KIF12: variants seen among roughly 807,000 people sequenced by gnomAD.
KIF12 encodes kinesin family member 12, also known as kinesin-like protein KIF12.
A neutral mutation model predicts 87.9 loss-of-function variants in KIF12; 80 were observed. The ratio of observed to expected loss-of-function variants is 0.91; its 90% CI spans 0.76 to 1.10. KIF12 has a LOEUF of 1.10. KIF12 is among the 50% of genes least tolerant of loss of function. KIF12 has a pLI of 0.00. For synonymous variants in KIF12, 353 were observed against 348.5 expected (o/e 1.01, Z -0.14); for missense variants, 819 against 865.3 (o/e 0.95, Z 0.67).
In KIF12 at chr9:114,098,348, A is replaced by G; in HGVS notation, c.253T>C (p.Phe85Leu). The G allele has an allele frequency of 6.7e-7, 1 of 1,494,610 alleles. No homozygotes were observed. Among genetic ancestry groups the G allele is most frequent in the Non-Finnish European group, 8.9e-7 (1 of 1,126,590 alleles). 92.6% of individuals were successfully genotyped at this position (1,494,610 alleles called of 1,614,324 possible). Residue 85 changes from phenylalanine to leucine, a missense_variant, in exon 4 of 19, where the codon TTC (phenylalanine) becomes CTC (leucine). Coordinates refer to ENST00000640217, the MANE Select transcript of KIF12 (RefSeq NM_001388308.1). ...AGGCGCCGCACGCCGCACGCCCGGA[A>G]CACGTCCTCCTGCGTGCGCGCCGCG... ...LDAARTQEDV[F>L]RACGVRRLGE...
intron 8 of KIF12, 67 bp from the exon 9 acceptor site, chr9:114,096,274 A>G (rs958592096): frequency 5.0e-6 from 8 of 1,607,490 alleles, no homozygotes; most frequent in Non-Finnish European, 6.0e-6. Context: ...AGGTTATGGG[A>G]CCAAGAGTTT....
In KIF12 at chr9:114,092,344, G is replaced by A. The variant is rs1390269420; in HGVS notation, c.1805C>T (p.Pro602Leu). Reference protein sequence around the residue: ...PLPVRPPKTSPGLRGGAGVPN... With the variant: ...PLPVRPPKTSLGLRGGAGVPN... ...TCTCCCTTCTTCACCTCTGAGCCCT[G>A]GTGATGTCTTCGGGGGCCTCACAGG... Residue 602 changes from proline (P) to leucine (L), a missense_variant, in exon 18 of 19, where the codon CCA (proline) becomes CTA (leucine). By Grantham distance (98) the Pro-to-Leu change is moderately conservative (BLOSUM62 -3). Coordinates refer to ENST00000640217, the MANE Select transcript of KIF12 (RefSeq NM_001388308.1). 3 of 1,590,326 alleles carry A rather than the reference G, an allele frequency of 1.9e-6. No homozygotes were observed. The highest frequency in any genetic ancestry group is 2.2e-5 in the East Asian group (1 of 44,616).
At chr9:114,094,320 CCCCA>C in intron 12 of KIF12, 29 bp downstream of exon 12, 3 of 1,609,276 alleles carry the variant, frequency 1.9e-6, no homozygotes, top group Non-Finnish European at 2.6e-6. Flanking sequence ...CAGACCCTAT[CCCCA>C]TCCTACTCTG....
intron 3 of KIF12, 126 bp downstream of exon 3, chr9:114,098,790 AAGGGAGGGGCACTCTGGGG>A: frequency 4.8e-6 from 4 of 840,354 alleles, no homozygotes; most frequent in Non-Finnish European, 6.9e-6. Flanking sequence ...GGCATCCTGG[AAGGGAGGGGCACTCTGGGG>A]AGGGCGGGGC....
chr9:114,093,614 T>C lies in KIF12; in HGVS notation c.1401-117A>G, dbSNP rs888752770. On this transcript the variant is annotated intron_variant, in intron 14 of 18. Transcript: ENST00000640217. ...CCGTACCAGGTACCGGGCCCCATTC[T>C]CAAAGTTTTACATGTTAACTTATTC... The C allele has an allele frequency of 4.5e-6, 4 of 884,488 alleles. No homozygotes were observed. The African/African-American group carries it at 5.1e-5, about 11-fold the overall frequency. 54.8% of individuals were successfully genotyped at this position (884,488 alleles called of 1,614,324 possible).
chr9:114,092,122 CCCCACCCCCAT>C (rs1188704548), intron 18 of KIF12, 122 bp from the exon 19 acceptor site: 1 of 1,433,266 alleles, frequency 7.0e-7, no homozygotes, highest in Non-Finnish European at 9.2e-7. Flanking sequence ...CTTCCCCCCA[CCCCACCCCCAT>C]ACACCATGGG....
rs897309536 is a variant in KIF12, at chr9:114,095,274, C to T, written c.954G>A (p.Arg318=). 1.2e-6 allele frequency: 2 copies of T among 1,613,842 alleles called. No homozygotes were observed. The highest frequency in any genetic ancestry group is 1.7e-6 in the Non-Finnish European group (2 of 1,180,014). ...CCAGCAACTTGGTGAGCTTGCTGTC[C>T]CGGAAAGGGATGTGGCTCTGCTTCC... ...PQRKQSHIPF[R]DSKLTKLLAD... The change falls in exon 10 of 19, where the codon CGG becomes CGA. Residue 318 remains arginine (R), a synonymous_variant. Transcript: ENST00000640217.
At chr9:114,093,556 T>A in intron 14 of KIF12, 59 bp from the exon 15 acceptor site, 1 of 1,357,872 alleles carries the variant, frequency 7.4e-7, no homozygotes, top group Non-Finnish European at 1.0e-6. Flanking sequence ...AAGCTGGCTT[T>A]CAAATCCCCT....
At chr9:114,096,285 C>T in intron 8 of KIF12, 78 bp from the exon 9 acceptor site, 1 of 1,602,660 alleles carries the variant, frequency 6.2e-7, no homozygotes. Context: ...CCAAGAGTTT[C>T]CATTATTAAC....
At position 114,091,734 on chromosome 9, in the gene KIF12, G is replaced by A. The variant is rs950896471; in HGVS notation, c.*127C>T. The A allele has an allele frequency of 1.7e-5, 17 of 998,942 alleles. No individual in the cohort carries two copies. Among genetic ancestry groups the A allele is most frequent in the East Asian group, 8.6e-5 (3 of 34,772 alleles). The allele number at this position is 998,942 out of a possible 1,614,324, so 61.9% of individuals were successfully genotyped here. A position where few individuals can be genotyped will look rare whatever the true frequency, so the allele number is the denominator to read the frequency against. Reference sequence around the variant, plus strand: ...CCCCTAAATAGCACCCCCAGTCCCCGCCCCTAGCCCAGCTGCAGGTGGAGT... The same window carrying A: ...CCCCTAAATAGCACCCCCAGTCCCCACCCCTAGCCCAGCTGCAGGTGGAGT... On this transcript the variant is annotated 3_prime_UTR_variant, in exon 19 of 19. Coordinates refer to ENST00000640217, the MANE Select transcript of KIF12 (RefSeq NM_001388308.1).
chr9:114,095,981 C>A, intron 9 of KIF12, 70 bp downstream of exon 9: 2 of 1,489,436 alleles, frequency 1.3e-6, no homozygotes, highest in South Asian at 1.3e-5. Context: ...TGGTATCCCC[C>A]ACTGTGGAGA....
rs1847334910 is a variant in KIF12 at position 114,098,469 on chromosome 9, AGGGCGGGGCACCCTGGAG to A, written c.172-58_172-41del. 8.7e-6 allele frequency: 11 copies of A among 1,267,024 alleles called. 1 individual carries two copies. The highest frequency in any genetic ancestry group is 3.0e-4 in the Middle Eastern group (1 of 3,356). The allele number at this position is 1,267,024 out of a possible 1,614,324, so 78.5% of individuals were successfully genotyped here. On this transcript the variant is annotated intron_variant, in intron 3 of 18. Transcript: ENST00000640217. ...GCGGAGGAGCGGGGCACTCTGGAGG[AGGGCGGGGCACCCTGGAG>A]GGGCGGGGCACCGTGGAGGAGGGCG... is the stretch of plus-strand genomic sequence containing the variant.
At chr9:114,098,834 C>A in intron 3 of KIF12, 101 bp downstream of exon 3, 1 of 1,346,260 alleles carries the variant, frequency 7.4e-7, no homozygotes. Context: ...GGGAGAGGAC[C>A]ACTCCGGGGG....
rs564025317 is a variant in KIF12, at chr9:114,095,544, C to A, written c.896-212G>T. The stretch of plus-strand genomic sequence containing the variant: ...GCCCTGTATACCCTGACCCTCAATG[C>A]CCAGCAAAGTGCCTGGTACTCAGGC... On this transcript the variant is annotated intron_variant, in intron 9 of 18. Coordinates refer to ENST00000640217, the MANE Select transcript of KIF12 (RefSeq NM_001388308.1). 4.6e-5 allele frequency among the ~76,000 whole-genome samples: 7 copies of A among 152,316 alleles called. 1 individual carries two copies. The South Asian group carries it at 1.5e-3, about 32-fold the overall frequency.
chr9:114,093,532 C>G (rs1389511232), intron 14 of KIF12, 35 bp from the exon 15 acceptor site: 2 of 1,490,346 alleles, frequency 1.3e-6, no homozygotes, highest in African/African-American at 2.8e-5. Context: ...CCTGCAGCCT[C>G]CAACCCTACC....
At chr9:114,095,731 C>T (rs1847197097) in intron 9 of KIF12, among the ~76,000 whole-genome samples, 1 of 152,216 alleles carries the variant, frequency 6.6e-6, no homozygotes, top group African/African-American at 2.4e-5. Flanking sequence ...CTTCCCCTTA[C>T]TAGGCCTCAG....
Position 114,096,377 on chromosome 9 carries a change from G to A in KIF12, c.738+10C>T. On this transcript the variant is annotated intron_variant, in intron 8 of 18. Transcript: ENST00000640217. ...CCCGGGTAAGCACCTTCCCAGGCTG[G>A]AGCACTCACAGTTTGACGGCTGATG... The A allele has an allele frequency of 6.2e-7, 1 of 1,611,160 alleles. No homozygotes were observed. Among genetic ancestry groups the A allele is most frequent in the Non-Finnish European group, 8.5e-7 (1 of 1,178,652 alleles).
Position 114,091,894 on chromosome 9 carries a change from T to C in KIF12, c.1923A>G (p.Ala641=), listed in dbSNP as rs775992651. 42 of 1,611,332 alleles carry C rather than the reference T, an allele frequency of 2.6e-5. No individual in the cohort carries two copies. Among genetic ancestry groups the C allele is most frequent in the Non-Finnish European group, 3.6e-5 (42 of 1,178,324 alleles). ...GRSQPPCSEG[A]RSPGQVLPPH ...GAGGGAGGACTTGGCCTGGGCTCCGTGCGCCCTCACTGCAGGGTGGCTGGC... is the reference window on the plus strand; with the variant it reads ...GAGGGAGGACTTGGCCTGGGCTCCGCGCGCCCTCACTGCAGGGTGGCTGGC... The change falls in exon 19 of 19, where the codon GCA becomes GCG. Residue 641 remains alanine (A), a synonymous_variant. Transcript: ENST00000640217.
chr9:114,092,642 C>A lies in KIF12; in HGVS notation c.1597G>T (p.Val533Leu), dbSNP rs1158850238. 1 of 1,584,444 alleles carries A rather than the reference C, an allele frequency of 6.3e-7. No homozygotes were observed. The highest frequency in any genetic ancestry group is 8.6e-7 in the Non-Finnish European group (1 of 1,169,414). Residue 533 changes from valine (V) to leucine (L), a missense_variant and splice_region_variant, in exon 17 of 19, where the codon GTG (valine) becomes TTG (leucine). Transcript: ENST00000640217. ...CLPGEHHLPQ[V>L]LDPEASGGRP... ...CCACCTGAGGCCTCAGGGTCCAACA[C>A]CTGTAGGAAAGACCAGAGTCCACTC...
Sources: gnomAD v4.1 joint callset for allele counts (sites outside exome capture counted in the v4.1 genomes callset) on GRCh38, gnomAD v4.1.1 for gene constraint, MANE v1.5 for transcripts, NCBI Gene and HGNC (gene_info 2026-07-23, HGNC 2026-07-21) for gene names.